CNBD1: variants seen among roughly 807,000 people sequenced by gnomAD.
CNBD1 encodes cyclic nucleotide binding domain containing 1.
In CNBD1, 71 loss-of-function variants were observed where a neutral mutation model predicts 54.4. The ratio of observed to expected loss-of-function variants is 1.30; its 90% CI spans 1.08 to 1.59. CNBD1 has a LOEUF of 1.59. CNBD1 is among the 40% of genes most tolerant of loss of function. The probability of loss-of-function intolerance (pLI) is 0.00; values close to 1 mark genes in which losing one functional copy is unlikely to be tolerated. For synonymous variants in CNBD1, 182 were observed against 170.7 expected, an observed-to-expected ratio of 1.07 and a Z score of -0.51; for missense variants, 659 against 518.0, an observed-to-expected ratio of 1.27 and a Z score of -2.64.
chr8:87,237,989 A>T (rs1277244200), intron 6 of CNBD1, among the ~76,000 whole-genome samples: 1 of 152,102 alleles, frequency 6.6e-6, no homozygotes, highest in Admixed American at 6.6e-5. Context: ...CATATAATGG[A>T]CCTAATGCTA....
intron 2 of CNBD1, among the ~76,000 whole-genome samples, chr8:87,424,847 C>A (rs1808016967): frequency 6.6e-6 from 1 of 152,066 alleles, no homozygotes; most frequent in Admixed American, 6.6e-5. Flanking sequence ...CTCTGTATTT[C>A]CTGAATCTGA....
Position 87,236,907 on chromosome 8 carries a change from T to C in CNBD1, c.578-12T>C, listed in dbSNP as rs765779447. The C allele has an allele frequency of 1.9e-6, 3 of 1,576,422 alleles. No individual in the cohort carries two copies. Among genetic ancestry groups the C allele is most frequent in the African/African-American group, 1.4e-5 (1 of 73,356 alleles). ...GCACACAGTATATATTTTTTGGCTT[T>C]GTTTTTTTCAGTGGTTGCAAATGAT... On this transcript the variant is annotated splice_polypyrimidine_tract_variant and intron_variant, in intron 5 of 10. Coordinates refer to ENST00000518476, the MANE Select transcript of CNBD1 (RefSeq NM_173538.3).
rs929598060 is a variant in CNBD1, at chr8:87,160,587, A to G, written c.432-45406A>G. On this transcript the variant is annotated intron_variant, in intron 4 of 10. Coordinates refer to ENST00000518476, the MANE Select transcript of CNBD1 (RefSeq NM_173538.3). ...AATAGGATGTTTTAAAATTATTAAT[A>G]ATTTCATAATCTGCTTTAAAGATAG... is the stretch of plus-strand genomic sequence containing the variant. Among the ~76,000 whole-genome samples the G allele has an allele frequency of 2.0e-5, 3 of 152,282 alleles. No homozygotes were observed. The South Asian group carries it at 6.2e-4, about 32-fold the overall frequency.
chr8:86,991,316 G>C (rs1234150333), intron 4 of CNBD1, among the ~76,000 whole-genome samples: 2 of 151,988 alleles, frequency 1.3e-5, no homozygotes. Flanking sequence ...CTGTGTGTCT[G>C]TCATATATGG....
chr8:86,906,393 T>C (rs1421283905), intron 3 of CNBD1, among the ~76,000 whole-genome samples: 1 of 152,208 alleles, frequency 6.6e-6, no homozygotes, highest in Non-Finnish European at 1.5e-5. Context: ...AGAACAATTC[T>C]GTTAAATTAA....
chr8:86,924,087 C>T (rs1809319584), intron 3 of CNBD1, among the ~76,000 whole-genome samples: 2 of 152,144 alleles, frequency 1.3e-5, no homozygotes, highest in South Asian at 4.1e-4. Flanking sequence ...AGGAAATGTA[C>T]CTCCCTATGT....
At chr8:86,977,661 A>C (rs1808372604) in intron 4 of CNBD1, among the ~76,000 whole-genome samples, 1 of 152,160 alleles carries the variant, frequency 6.6e-6, no homozygotes, top group Admixed American at 6.5e-5. Flanking sequence ...ATTCCTGGAA[A>C]AATAAAACCT....
chr8:87,315,966 C>T (rs925019925), intron 8 of CNBD1, among the ~76,000 whole-genome samples: 1 of 151,696 alleles, frequency 6.6e-6, no homozygotes, highest in African/African-American at 2.4e-5. Flanking sequence ...ACATGATGTG[C>T]CCCATGAATA....
At chr8:87,228,353 T>A (rs1015888354) in intron 5 of CNBD1, among the ~76,000 whole-genome samples, 2 of 150,376 alleles carry the variant, frequency 1.3e-5, no homozygotes, top group African/African-American at 5.0e-5. Flanking sequence ...TGTTCTGTTT[T>A]TTCCCCATCT....
chr8:87,189,035 T>C (rs1813543938), intron 4 of CNBD1, among the ~76,000 whole-genome samples: 1 of 152,134 alleles, frequency 6.6e-6, no homozygotes, highest in Non-Finnish European at 1.5e-5. Flanking sequence ...TTGTGTGTAG[T>C]AGAAGCAGCT....
intron 10 of CNBD1, among the ~76,000 whole-genome samples, chr8:87,361,824 G>A (rs116662530): frequency 0.035 from 5,289 of 151,338 alleles, 298 homozygotes; most frequent in African/African-American, 0.12. Flanking sequence ...AATATAAAAA[G>A]CATTGAAGTA....
intron 4 of CNBD1, among the ~76,000 whole-genome samples, chr8:86,974,228 G>GA (rs569205501): frequency 6.6e-6 from 1 of 151,610 alleles, no homozygotes; most frequent in Admixed American, 6.6e-5. Context: ...CCAACAAGTT[G>GA]AAAAAAAATT....
intron 2 of CNBD1, among the ~76,000 whole-genome samples, chr8:87,419,863 T>G (rs2130991893): frequency 6.6e-6 from 1 of 151,512 alleles, no homozygotes; most frequent in Middle Eastern, 3.4e-3. Flanking sequence ...TAGAATTATT[T>G]AATTCGCCCA....
chr8:86,964,316 T>C (rs895514991), intron 4 of CNBD1, among the ~76,000 whole-genome samples: 50 of 152,298 alleles, frequency 3.3e-4, no homozygotes, highest in African/African-American at 8.7e-4. Flanking sequence ...CGTTTCATCA[T>C]TGGGGTCCCA....
intron 2 of CNBD1, among the ~76,000 whole-genome samples, chr8:86,904,261 G>T (rs1306122133): frequency 6.6e-6 from 1 of 151,982 alleles, no homozygotes; most frequent in African/African-American, 2.4e-5. Context: ...TTTGAAGTAT[G>T]ATAATTTTTT....
rs915661148 is a variant in CNBD1, at chr8:87,216,938, C to T, written c.577+10800C>T. Among the ~76,000 whole-genome samples the T allele has an allele frequency of 2.0e-5, 3 of 152,190 alleles. No homozygotes were observed. In the South Asian group the frequency reaches 6.2e-4, roughly 32 times the overall value. On this transcript the variant is annotated intron_variant, in intron 5 of 10. Coordinates refer to ENST00000518476, the MANE Select transcript of CNBD1 (RefSeq NM_173538.3). ...TGGCTTATAGAAATCAGTGCCATTGCTTTTACGATCTTTTCTAGTGTGAGA... is the reference window on the plus strand; with the variant it reads ...TGGCTTATAGAAATCAGTGCCATTGTTTTTACGATCTTTTCTAGTGTGAGA...
Position 87,237,069 on chromosome 8 carries a change from A to G in CNBD1, c.728A>G (p.Asn243Ser). The G allele has an allele frequency of 6.2e-7, 1 of 1,611,482 alleles. No individual in the cohort carries two copies. Reference sequence around the variant, plus strand: ...TTCATTTGGAGTGAAGAATTCAAAAACTCTACACTTGCTGAGATGTACCTA... The same window carrying G: ...TTCATTTGGAGTGAAGAATTCAAAAGCTCTACACTTGCTGAGATGTACCTA... ...HSFIWSEEFK[N>S]STLAEMYLPS... The change falls in exon 6 of 11, where the codon AAC becomes AGC. Residue 243 changes from asparagine to serine, a missense_variant. By Grantham distance (46) the Asn-to-Ser change is conservative. Coordinates refer to ENST00000518476, the MANE Select transcript of CNBD1 (RefSeq NM_173538.3).
intron 5 of CNBD1, among the ~76,000 whole-genome samples, chr8:87,235,133 G>C (rs1355506764): frequency 1.3e-5 from 2 of 152,026 alleles, no homozygotes; most frequent in Non-Finnish European, 2.9e-5. Flanking sequence ...ACAGAAATAG[G>C]GCCTTGTTCT....
chr8:87,233,607 T>A (rs1807511293), intron 5 of CNBD1, among the ~76,000 whole-genome samples: 1 of 152,134 alleles, frequency 6.6e-6, no homozygotes, highest in Non-Finnish European at 1.5e-5. Flanking sequence ...TGGAGGGTGC[T>A]GAAGATATGG....
Sources: gnomAD v4.1 joint callset for allele counts (sites outside exome capture counted in the v4.1 genomes callset) on GRCh38, gnomAD v4.1.1 for gene constraint, MANE v1.5 for transcripts, NCBI Gene and HGNC (gene_info 2026-07-23, HGNC 2026-07-21) for gene names.